The following KCNN2 variants were observed in gnomAD, a reference collection of about 807,000 sequenced individuals.
KCNN2 encodes the protein potassium calcium-activated channel subfamily N member 2.
In KCNN2, 24 loss-of-function variants were observed where a neutral mutation model predicts 55.5. The ratio of observed to expected loss-of-function variants is 0.43; its 90% CI spans 0.31 to 0.61. KCNN2 has a LOEUF of 0.61. Ranked by LOEUF, KCNN2 falls within the 20% of genes least tolerant of loss-of-function variation. The pLI is 0.08. For synonymous variants in KCNN2, 431 were observed against 336.1 expected, an observed-to-expected ratio of 1.28 and a Z score of -3.09; for missense variants, 754 against 853.6, an observed-to-expected ratio of 0.88 and a Z score of 1.45.
chr5:114,107,626 G>T lies in KCNN2; in HGVS notation c.-271+51126G>T, dbSNP rs542844415. On this transcript the variant is annotated intron_variant, in intron 1 of 10. Transcript: ENST00000512097. ...TGCCATGCTGTTCTTGAAATCCTGA[G>T]CTGAAGTGATCTTCCCATCTGGGCC... Among the ~76,000 whole-genome samples, 9 of 151,902 alleles carry T rather than the reference G, an allele frequency of 5.9e-5. No homozygotes were observed. In the South Asian group the frequency reaches 1.9e-3, roughly 31 times the overall value.
chr5:114,067,220 A>C (rs888281464), intron 1 of KCNN2, among the ~76,000 whole-genome samples: 9 of 152,326 alleles, frequency 5.9e-5, no homozygotes, highest in African/African-American at 1.4e-4. Context: ...TAGATGGCAT[A>C]TGGAGAGTCT....
At chr5:114,422,348 C>T (rs1156319911) in intron 3 of KCNN2, among the ~76,000 whole-genome samples, 1 of 152,056 alleles carries the variant, frequency 6.6e-6, no homozygotes, top group Admixed American at 6.5e-5. Context: ...TAAAAAGAGA[C>T]CCCAGAGAGC....
chr5:114,156,669 T>C (rs111277032), intron 1 of KCNN2, among the ~76,000 whole-genome samples: 2 of 152,170 alleles, frequency 1.3e-5, no homozygotes, highest in Non-Finnish European at 2.9e-5. Flanking sequence ...CTTTCATGAT[T>C]TGGCTCTTGG....
At chr5:114,379,374 G>T (rs1441056301) in intron 2 of KCNN2, among the ~76,000 whole-genome samples, 1 of 149,646 alleles carries the variant, frequency 6.7e-6, no homozygotes, top group Non-Finnish European at 1.5e-5. Context: ...ACTCTTCCCG[G>T]GTCCTCCTAC....
chr5:114,419,129 A>C (rs574249062), intron 3 of KCNN2, among the ~76,000 whole-genome samples: 1 of 152,250 alleles, frequency 6.6e-6, no homozygotes, highest in African/African-American at 2.4e-5. Context: ...AAATAGCAGC[A>C]AGGATTAAGA....
chr5:114,263,690 T>C (rs1417196320), intron 2 of KCNN2, among the ~76,000 whole-genome samples: 1 of 152,206 alleles, frequency 6.6e-6, no homozygotes, highest in Non-Finnish European at 1.5e-5. Context: ...TCTTCAGTCT[T>C]TATCATATAT....
At chr5:114,102,154 G>A (rs1396055979) in intron 1 of KCNN2, among the ~76,000 whole-genome samples, 1 of 152,118 alleles carries the variant, frequency 6.6e-6, no homozygotes, top group African/African-American at 2.4e-5. Context: ...ATCTCATTGT[G>A]ATTTTGATTT....
In KCNN2 at chr5:114,061,310, A is replaced by G. The variant is rs1750324475; in HGVS notation, c.-271+4810A>G. On this transcript the variant is annotated intron_variant, in intron 1 of 10. Coordinates refer to the KCNN2 transcript ENST00000512097. The stretch of plus-strand genomic sequence containing the variant: ...CTCCCCACCCCCACTACTGCTGAGA[A>G]GAATGGTGTGAATATAGTAATATGG... 1.3e-5 allele frequency among the ~76,000 whole-genome samples: 2 copies of G among 152,214 alleles called. 1 individual carries two copies. The highest frequency in any genetic ancestry group is 4.1e-4 in the South Asian group (2 of 4,830).
At chr5:114,293,896 C>T (rs1279330943) in intron 2 of KCNN2, among the ~76,000 whole-genome samples, 1 of 152,146 alleles carries the variant, frequency 6.6e-6, no homozygotes, top group African/African-American at 2.4e-5. Context: ...TTCAGAGATT[C>T]AACTTCTTCC....
intron 1 of KCNN2, among the ~76,000 whole-genome samples, chr5:114,210,506 A>G (rs1039324332): frequency 6.6e-6 from 1 of 152,194 alleles, no homozygotes; most frequent in Admixed American, 6.5e-5. Flanking sequence ...CAAGCTTGTA[A>G]AAGTAGTCTT....
intron 3 of KCNN2, among the ~76,000 whole-genome samples, chr5:114,445,311 C>T (rs79161729): frequency 0.018 from 2,739 of 152,104 alleles, 35 homozygotes; most frequent in Middle Eastern, 0.082. Context: ...GCCTTACCTC[C>T]GTTTACTAAG....
intron 3 of KCNN2, among the ~76,000 whole-genome samples, chr5:114,449,770 A>G (rs779614239): frequency 7.0e-4 from 106 of 152,236 alleles, no homozygotes; most frequent in Non-Finnish European, 1.2e-3. Context: ...TTTAAGAGAT[A>G]AGATCTGGTC....
At chr5:114,376,431 T>C (rs1757947894) in intron 2 of KCNN2, among the ~76,000 whole-genome samples, 1 of 152,104 alleles carries the variant, frequency 6.6e-6, no homozygotes, top group South Asian at 2.1e-4. Flanking sequence ...AGGTGATCAG[T>C]GTGATGGAGG....
rs79832838 is a variant in KCNN2 at position 114,261,879 on chromosome 5, G to A, written c.-185+40314G>A. Among the ~76,000 whole-genome samples the A allele has an allele frequency of 3.2e-3, 487 of 152,276 alleles. 1 individual carries two copies. Among genetic ancestry groups the A allele is most frequent in the Non-Finnish European group, 5.2e-3 (355 of 68,026 alleles). ...GTTACCAATCAAGAGAGAGCCCAGGGAGAGCTGGGCACATGGTGATGATTG... is the reference window on the plus strand; with the variant it reads ...GTTACCAATCAAGAGAGAGCCCAGGAAGAGCTGGGCACATGGTGATGATTG... On this transcript the variant is annotated intron_variant, in intron 2 of 10. Transcript: ENST00000512097.
At chr5:114,222,957 T>C (rs186043984) in intron 2 of KCNN2, among the ~76,000 whole-genome samples, 2 of 152,314 alleles carry the variant, frequency 1.3e-5, no homozygotes, top group African/African-American at 4.8e-5. Context: ...GGGCAGCAGA[T>C]GAATGCCATC....
chr5:114,227,296 C>T (rs573950265), intron 2 of KCNN2, among the ~76,000 whole-genome samples: 5 of 152,188 alleles, frequency 3.3e-5, no homozygotes, highest in South Asian at 2.1e-4. Flanking sequence ...TTGCTGTTCT[C>T]GCTACTAAAA....
intron 2 of KCNN2, among the ~76,000 whole-genome samples, chr5:114,345,535 A>G (rs1757089979): frequency 6.6e-6 from 1 of 152,232 alleles, no homozygotes; most frequent in Admixed American, 6.5e-5. Flanking sequence ...AATAGCAGTG[A>G]AAGAAGCTAG....
At chr5:114,461,041 TC>T (rs1761166481) in intron 3 of KCNN2, among the ~76,000 whole-genome samples, 1 of 152,110 alleles carries the variant, frequency 6.6e-6, no homozygotes, top group African/African-American at 2.4e-5. Flanking sequence ...TAGATTATAA[TC>T]CAGAGTTTAT....
chr5:114,266,377 G>A (rs551979744), intron 2 of KCNN2, among the ~76,000 whole-genome samples: 1 of 152,236 alleles, frequency 6.6e-6, no homozygotes, highest in South Asian at 2.1e-4. Context: ...TGAGGGTTTG[G>A]GAGAAAGAGC....
Sources: gnomAD v4.1 joint callset for allele counts (sites outside exome capture counted in the v4.1 genomes callset) on GRCh38, gnomAD v4.1.1 for gene constraint, MANE v1.5 for transcripts, NCBI Gene and HGNC (gene_info 2026-07-23, HGNC 2026-07-21) for gene names.